Variants in ANKRD11 observed in about 807,000 individuals in gnomAD.
ANKRD11 encodes the protein ankyrin repeat domain 11, also known as ankyrin repeat domain-containing protein 11.
ANKRD11 carries 17 observed loss-of-function variants against 195.7 expected under a neutral mutation model. The observed-to-expected ratio is 0.09, with a 90% confidence interval of 0.06 to 0.13. The LOEUF (loss-of-function observed/expected upper bound fraction) is 0.13, where lower values mean the gene tolerates loss of function less well. ANKRD11 is among the 10% of genes least tolerant of loss of function. The pLI, the probability that ANKRD11 is intolerant of heterozygous loss-of-function variation, is 1.00. For missense variants in ANKRD11, 3,735 were observed against 3,566.1 expected (o/e 1.05, Z -1.21); for synonymous variants, 1,953 against 1,528.1 (o/e 1.28, Z -6.49).
Position 89,291,130 on chromosome 16 carries a change from C to A in ANKRD11, c.280G>T (p.Ala94Ser). 6.2e-7 allele frequency: 1 copy of A among 1,613,990 alleles called. No homozygotes were observed. ...AGCCCCATGCCAAACAGCAGCCCGG[C>A]CTTCCGGGTGACAGGCTCCTTCTTA... ...RIKKEPVTRK[A>S]GLLFGMGLSG... Residue 94 changes from alanine to serine, a missense_variant, in exon 5 of 13, where the codon GCC becomes TCC. Transcript: ENST00000301030. This position sits in a 1 kb window ranked among gnomAD's most constrained non-coding sequence, Gnocchi z 5.3.
intron 1 of ANKRD11, among the ~76,000 whole-genome samples, chr16:89,483,646 C>T (rs1015909146): frequency 3.3e-5 from 5 of 151,964 alleles, no homozygotes; most frequent in African/African-American, 1.2e-4. Flanking sequence ...CTGACCAACA[C>T]GGAGAAACCC....
At chr16:89,416,808 G>C (rs1011601686) in intron 2 of ANKRD11, among the ~76,000 whole-genome samples, 35 of 151,586 alleles carry the variant, frequency 2.3e-4, no homozygotes, top group African/African-American at 8.5e-4. Context: ...GCAGCATTTT[G>C]CTTTTCCTTG....
chr16:89,476,307 C>A (rs374015050), intron 1 of ANKRD11, among the ~76,000 whole-genome samples: 54 of 152,292 alleles, frequency 3.5e-4, no homozygotes, highest in African/African-American at 1.3e-3. Context: ...CCACCACAAT[C>A]GGGATGGTCA....
At chr16:89,415,144 C>T (rs192807506) in intron 2 of ANKRD11, among the ~76,000 whole-genome samples, 3 of 151,142 alleles carry the variant, frequency 2.0e-5, no homozygotes, top group Admixed American at 1.3e-4. Flanking sequence ...TGTAGAGATG[C>T]GGTCTCGTCA....
At chr16:89,299,786 T>A in intron 4 of ANKRD11, 1 of 182,918 alleles carries the variant, frequency 5.5e-6, no homozygotes, top group Non-Finnish European at 1.0e-5. Context: ...GCGTGGGGTC[T>A]GTGCCCTGTG....
intron 1 of ANKRD11, among the ~76,000 whole-genome samples, chr16:89,424,793 G>A (rs1004770612): frequency 2.6e-5 from 4 of 152,132 alleles, no homozygotes; most frequent in South Asian, 2.1e-4. Flanking sequence ...CGATCCTTGC[G>A]ATTATGGAAC....
chr16:89,273,312 C>T (rs1428794903), intron 11 of ANKRD11, among the ~76,000 whole-genome samples: 1 of 152,162 alleles, frequency 6.6e-6, no homozygotes, highest in African/African-American at 2.4e-5. Flanking sequence ...TCCTGACTGC[C>T]TGTCCATCAC....
chr16:89,317,145 C>G, intron 2 of ANKRD11, 67 bp from the exon 3 acceptor site: 1 of 1,047,332 alleles, frequency 9.5e-7, no homozygotes, highest in Non-Finnish European at 1.4e-6. Context: ...ACTCTCACAC[C>G]GCACTCAACA....
intron 1 of ANKRD11, among the ~76,000 whole-genome samples, chr16:89,441,767 CAAAAAAAAA>C (rs57747159): frequency 1.0e-3 from 53 of 52,354 alleles, no homozygotes; most frequent in Middle Eastern, 0.013. Context: ...ACTCCGCCTA[CAAAAAAAAA>C]AAAAAAAAAA....
chr16:89,461,079 T>C (rs570571033), intron 1 of ANKRD11, among the ~76,000 whole-genome samples: 23 of 141,650 alleles, frequency 1.6e-4, no homozygotes, highest in Non-Finnish European at 2.7e-4. Context: ...AGTGGTGACA[T>C]TCATAAGAGA....
chr16:89,408,046 C>G (rs546898575), intron 2 of ANKRD11, among the ~76,000 whole-genome samples: 9 of 152,256 alleles, frequency 5.9e-5, no homozygotes, highest in African/African-American at 2.2e-4. Context: ...GGTAGTGCCC[C>G]TGCCCTCAAG....
Position 89,281,932 on chromosome 16 carries a change from C to T in ANKRD11, c.4610G>A (p.Gly1537Asp), listed in dbSNP as rs1254065376. 5 of 1,613,102 alleles carry T rather than the reference C, an allele frequency of 3.1e-6. No individual in the cohort carries two copies. Among genetic ancestry groups the T allele is most frequent in the Non-Finnish European group, 4.2e-6 (5 of 1,180,040 alleles). Residue 1537 changes from glycine to aspartate, a missense_variant, in exon 9 of 13, where the codon GGT becomes GAT. Gly to Asp is a moderately conservative substitution (Grantham distance 94). Coordinates refer to ENST00000301030, the MANE Select transcript of ANKRD11 (RefSeq NM_013275.6). This position sits in a 1 kb window ranked among gnomAD's most constrained non-coding sequence, Gnocchi z 5.5. The part of the protein sequence containing the change: ...DAKLKEKFKD[G>D]AEKEKGDPVK... ...TGGGTCGCCCTTTTCTTTCTCTGCA[C>T]CGTCCTTGAATTTCTCCTTCAGTTT... is the stretch of plus-strand genomic sequence containing the variant.
Position 89,291,216 on chromosome 16 carries a change from G to T in ANKRD11, c.227-33C>A. ...GCGGGCGAGGGAGAGAGGGAGGAGAGATTTCATGCCATGGTGTCCTCCAAA... is the reference window on the plus strand; with the variant it reads ...GCGGGCGAGGGAGAGAGGGAGGAGATATTTCATGCCATGGTGTCCTCCAAA... On this transcript the variant is annotated intron_variant, in intron 4 of 12. Transcript: ENST00000301030. This position sits in a 1 kb window ranked among gnomAD's most constrained non-coding sequence, Gnocchi z 5.3. 2.5e-6 allele frequency: 4 copies of T among 1,610,094 alleles called. No individual in the cohort carries two copies. Among genetic ancestry groups the T allele is most frequent in the Non-Finnish European group, 3.4e-6 (4 of 1,179,770 alleles).
At chr16:89,334,745 C>T (rs916923916) in intron 2 of ANKRD11, among the ~76,000 whole-genome samples, 4 of 152,160 alleles carry the variant, frequency 2.6e-5, no homozygotes, top group African/African-American at 9.7e-5. Context: ...ACCACACTCA[C>T]TTGTGCAAAA....
rs143743958 is a variant in ANKRD11, at chr16:89,280,910, A to G, written c.5632T>C (p.Ser1878Pro). 5.9e-4 allele frequency: 940 copies of G among 1,600,028 alleles called. 2 individuals are homozygous for G. Among genetic ancestry groups the G allele is most frequent in the South Asian group, 1.7e-3 (149 of 90,040 alleles). Residue 1878 changes from serine to proline, a missense_variant, in exon 9 of 13, where the codon TCT becomes CCT. Coordinates refer to ENST00000301030, the MANE Select transcript of ANKRD11 (RefSeq NM_013275.6). ...AAACTTGAGAAGACGCCCTCTGGAG[A>G]CGGGGTGACAGTGACAACGGCAGCC... ...PPAAVVTVTP[S>P]PEGVFSSLQA... is the part of the protein sequence containing the mutation.
chr16:89,384,874 G>GTTTTTTTTTTTTTT lies in ANKRD11; in HGVS notation c.-60+33409_-60+33410insAAAAAAAAAAAAAA, dbSNP rs1257714722. 1.2e-4 allele frequency among the ~76,000 whole-genome samples: 9 copies of GTTTTTTTTTTTTTT among 72,750 alleles called. 1 individual carries two copies. The highest frequency in any genetic ancestry group is 3.9e-4 in the African/African-American group (7 of 17,760). 47.7% of individuals were successfully genotyped at this position (72,750 alleles called of 152,430 possible). A position where few individuals can be genotyped will look rare whatever the true frequency, so the allele number is the denominator to read the frequency against. ...GTGTGGGAGCACACAATGAGAAATA[G>GTTTTTTTTTTTTTT]TTTTCTTTTTTTTTTTTTTTTTTTT... On this transcript the variant is annotated intron_variant, in intron 2 of 12. Transcript: ENST00000301030.
At chr16:89,426,529 TCACACACACACACACA>T (rs55664494) in intron 1 of ANKRD11, among the ~76,000 whole-genome samples, 4 of 142,356 alleles carry the variant, frequency 2.8e-5, no homozygotes, top group South Asian at 2.4e-4. Flanking sequence ...CACTTAAACA[TCACACACACACACACA>T]CACACACACA....
At chr16:89,477,381 C>A (rs375905608) in intron 1 of ANKRD11, among the ~76,000 whole-genome samples, 215 of 151,208 alleles carry the variant, frequency 1.4e-3, no homozygotes, top group African/African-American at 5.0e-3. Context: ...TCTGAGATGG[C>A]GTCTCACTCT....
At chr16:89,321,090 G>A (rs888534611) in intron 2 of ANKRD11, 3 of 152,594 alleles carry the variant, frequency 2.0e-5, no homozygotes, top group African/African-American at 7.2e-5. Flanking sequence ...GAACCATCCA[G>A]GCACCGCGCC....
Sources: gnomAD v4.1 joint callset for allele counts (sites outside exome capture counted in the v4.1 genomes callset) on GRCh38, gnomAD v4.1.1 for gene constraint, Gnocchi (gnomAD v3.1) non-coding constraint, MANE v1.5 for transcripts, NCBI Gene and HGNC (gene_info 2026-07-23, HGNC 2026-07-21) for gene names.